SAMD4B: variants seen among roughly 807,000 people sequenced by gnomAD.
The protein encoded by SAMD4B is sterile alpha motif domain containing 4B.
A neutral mutation model predicts 74.5 loss-of-function variants in SAMD4B; 5 were observed. That is an observed-to-expected ratio of 0.07 (90% CI 0.04 to 0.14). The LOEUF is 0.14. SAMD4B is among the 10% of genes least tolerant of loss of function. The probability of loss-of-function intolerance (pLI) is 1.00; values close to 1 mark genes in which losing one functional copy is unlikely to be tolerated. For synonymous variants in SAMD4B, 373 were observed against 374.9 expected, an observed-to-expected ratio of 1.00 and a Z score of 0.06; for missense variants, 608 against 921.8, an observed-to-expected ratio of 0.66 and a Z score of 4.41.
intron 3 of SAMD4B, among the ~76,000 whole-genome samples, chr19:39,361,816 CAGG>C (rs2076672910): frequency 6.9e-6 from 1 of 145,940 alleles, no homozygotes; most frequent in South Asian, 2.2e-4. Context: ...CCCAGCTACT[CAGG>C]AGGCTGAGGC....
chr19:39,361,645 C>T (rs2076657419), intron 3 of SAMD4B, among the ~76,000 whole-genome samples: 2 of 150,564 alleles, frequency 1.3e-5, no homozygotes, highest in Admixed American at 6.6e-5. Context: ...TCTTCCCGGC[C>T]GGGCGCGGTG....
chr19:39,389,501 T>A, downstream of SAMD4B: 1 of 1,614,178 alleles, frequency 6.2e-7, no homozygotes, highest in Non-Finnish European at 8.5e-7. This position sits in a 1 kb window ranked among gnomAD's most constrained non-coding sequence, Gnocchi z 5.3. Context: ...GGTGGGGGCC[T>A]GAATCTCCTC....
At position 39,376,759 on chromosome 19, in the gene SAMD4B, G is replaced by A. The variant is rs1167147929; in HGVS notation, c.1072G>A (p.Glu358Lys). ...KIALSIQKLR[E>K]RQSVLKSLEK... Reference sequence around the variant, plus strand: ...AGCCCTGAGCATCCAGAAGCTGCGTGAGAGACAGAGCGTCCTCAAGTCCCT... The same window carrying A: ...AGCCCTGAGCATCCAGAAGCTGCGTAAGAGACAGAGCGTCCTCAAGTCCCT... The change falls in exon 7 of 14, where the codon GAG becomes AAG. Residue 358 changes from glutamate (E) to lysine (K), a missense_variant. Around this residue, in one of 9 missense-constraint regions of SAMD4B, gnomAD observed 39 missense variants for 125.3 expected, o/e 0.31. Coordinates refer to ENST00000610417, the MANE Select transcript of SAMD4B (RefSeq NM_001384574.2). 1.2e-6 allele frequency: 2 copies of A among 1,614,204 alleles called. No homozygotes were observed. Among genetic ancestry groups the A allele is most frequent in the Admixed American group, 1.7e-5 (1 of 60,030 alleles).
chr19:39,349,230 T>A (rs777190102), intron 1 of SAMD4B, among the ~76,000 whole-genome samples: 3 of 152,158 alleles, frequency 2.0e-5, no homozygotes, highest in Admixed American at 6.5e-5. Context: ...CTCAAAAAAA[T>A]GTCTCAGTTG....
chr19:39,373,612 C>T (rs1195789931), intron 4 of SAMD4B, among the ~76,000 whole-genome samples: 2 of 152,094 alleles, frequency 1.3e-5, no homozygotes, highest in East Asian at 3.9e-4. Flanking sequence ...GAGGAAAAAG[C>T]ACAGATAAAG....
Position 39,369,974 on chromosome 19 carries a change from A to C in SAMD4B, c.516A>C (p.Ser172=). 6.2e-7 allele frequency: 1 copy of C among 1,613,660 alleles called. No homozygotes were observed. The highest frequency in any genetic ancestry group is 8.5e-7 in the Non-Finnish European group (1 of 1,179,808). ...CCTCCTACCATTCACGTCAAGGCTC[A>C]GATGAGTGGGGGGGCCCTGCAGAGC... ...PEPSYHSRQG[S]DEWGGPAELG... The change falls in exon 4 of 14, where the codon TCA becomes TCC. Residue 172 remains serine, a synonymous_variant. Coordinates refer to ENST00000610417, the MANE Select transcript of SAMD4B (RefSeq NM_001384574.2).
chr19:39,367,743 A>G (rs2077051510), intron 3 of SAMD4B, among the ~76,000 whole-genome samples: 1 of 151,056 alleles, frequency 6.6e-6, no homozygotes, highest in Admixed American at 6.6e-5. Context: ...TCCTGACCTC[A>G]GGTGATCCAC....
chr19:39,377,379 G>A, intron 7 of SAMD4B, 106 bp from the exon 8 acceptor site: 2 of 924,130 alleles, frequency 2.2e-6, no homozygotes, highest in Non-Finnish European at 3.3e-6. Context: ...TGGAACCCAG[G>A]GTCCTACCCA....
chr19:39,385,297 C>G lies in SAMD4B; in HGVS notation c.*1770C>G, dbSNP rs2078217888. Reference sequence around the variant, plus strand: ...CGTTTGGAATCAGCAGGGTGTCCCTCTCATGGGACCCTCCCCTCTCCCCAG... The same window carrying G: ...CGTTTGGAATCAGCAGGGTGTCCCTGTCATGGGACCCTCCCCTCTCCCCAG... On this transcript the variant is annotated 3_prime_UTR_variant, in exon 14 of 14. Transcript: ENST00000610417. 2.7e-6 allele frequency: 1 copy of G among 373,040 alleles called. No homozygotes were observed. The allele number at this position is 373,040 out of a possible 1,614,324, so 23.1% of individuals were successfully genotyped here.
At chr19:39,387,600 CA>C (rs1032099179), downstream of SAMD4B, among the ~76,000 whole-genome samples, 5 of 152,192 alleles carry the variant, frequency 3.3e-5, no homozygotes, top group African/African-American at 1.2e-4. Flanking sequence ...CTGCTTTAAA[CA>C]GAAACTCAAG....
At chr19:39,347,673 A>G (rs1489151724) in intron 1 of SAMD4B, among the ~76,000 whole-genome samples, 1 of 152,218 alleles carries the variant, frequency 6.6e-6, no homozygotes, top group Non-Finnish European at 1.5e-5. Context: ...GGTTTCCAAG[A>G]CACAGAACTT....
At chr19:39,348,388 A>G (rs2075822961) in intron 1 of SAMD4B, 1 of 152,242 alleles carries the variant, frequency 6.6e-6, no homozygotes, top group Admixed American at 6.5e-5. Flanking sequence ...AATGGGGCAC[A>G]GGTGAGCCCA....
chr19:39,375,406 G>A lies in SAMD4B; in HGVS notation c.668-244G>A, dbSNP rs1169819043. ...TGTGGCAGTAATTCCTGCCAGGGGT[G>A]CTGGTGGCTTGAGCCAGCGGAACTG... is the stretch of plus-strand genomic sequence containing the variant. On this transcript the variant is annotated intron_variant, in intron 4 of 13. Transcript: ENST00000610417. The surrounding 1 kb of genome is among the most constrained non-coding windows in gnomAD (Gnocchi z 4.1). 6.6e-6 allele frequency among the ~76,000 whole-genome samples: 1 copy of A among 152,202 alleles called. No individual in the cohort carries two copies. Among genetic ancestry groups the A allele is most frequent in the East Asian group, 1.9e-4 (1 of 5,202 alleles).
At chr19:39,386,146 C>A, downstream of SAMD4B, 1 of 1,614,200 alleles carries the variant, frequency 6.2e-7, no homozygotes, top group Non-Finnish European at 8.5e-7. The surrounding 1 kb of genome is among the most constrained non-coding windows in gnomAD (Gnocchi z 6.1). Context: ...CTGTCTGAAT[C>A]ATTGTCACTG....
In SAMD4B at chr19:39,375,585, G is replaced by A; in HGVS notation, c.668-65G>A. ...AACTGCCATCCTGGCACTGACGGCAGGGGGATGGTCTCCTGTGGTTGGGTC... is the reference window on the plus strand; with the variant it reads ...AACTGCCATCCTGGCACTGACGGCAAGGGGATGGTCTCCTGTGGTTGGGTC... On this transcript the variant is annotated intron_variant, in intron 4 of 13. Coordinates refer to ENST00000610417, the MANE Select transcript of SAMD4B (RefSeq NM_001384574.2). The surrounding 1 kb of genome is among the most constrained non-coding windows in gnomAD (Gnocchi z 4.1). The A allele has an allele frequency of 6.4e-7, 1 of 1,561,356 alleles. No individual in the cohort carries two copies. The highest frequency in any genetic ancestry group is 8.7e-7 in the Non-Finnish European group (1 of 1,146,440).
chr19:39,378,508 C>T lies in SAMD4B; in HGVS notation c.1449C>T (p.Cys483=). 6.2e-7 allele frequency: 1 copy of T among 1,613,882 alleles called. No individual in the cohort carries two copies. Among genetic ancestry groups the T allele is most frequent in the Non-Finnish European group, 8.5e-7 (1 of 1,179,872 alleles). ...CCCTTTCTCATGTCCCCCCAGTGTGCACCCAACTGCTGGTGTCCCGACCAG... is the reference window on the plus strand; with the variant it reads ...CCCTTTCTCATGTCCCCCCAGTGTGTACCCAACTGCTGGTGTCCCGACCAG... The part of the protein sequence containing the change: ...SQFTRVMGKV[C]TQLLVSRPDE... Residue 483 remains cysteine (C), a synonymous_variant, in exon 9 of 14, where the codon TGC becomes TGT. Coordinates refer to ENST00000610417, the MANE Select transcript of SAMD4B (RefSeq NM_001384574.2). The surrounding 1 kb of genome is among the most constrained non-coding windows in gnomAD (Gnocchi z 4.4).
chr19:39,385,696 A>C lies in SAMD4B; in HGVS notation c.*2169A>C, dbSNP rs1600602792. 1 of 529,040 alleles carries C rather than the reference A, an allele frequency of 1.9e-6. No individual in the cohort carries two copies. The highest frequency in any genetic ancestry group is 3.0e-5 in the East Asian group (1 of 33,594). The allele number at this position is 529,040 out of a possible 1,614,324, so 32.8% of individuals were successfully genotyped here. On this transcript the variant is annotated 3_prime_UTR_variant, in exon 14 of 14. Transcript: ENST00000610417. The stretch of plus-strand genomic sequence containing the variant: ...GAAAAAAAAAAAACAAACAAAAAAA[A>C]CGAATTCTGACCTTCGTTGTGCTAC...
chr19:39,362,335 T>A (rs1233671858), intron 3 of SAMD4B, among the ~76,000 whole-genome samples: 3 of 152,170 alleles, frequency 2.0e-5, no homozygotes, highest in African/African-American at 7.2e-5. Flanking sequence ...GGGAAGCTGG[T>A]GAGGATACTG....
downstream of SAMD4B, chr19:39,388,341 G>A: frequency 1.9e-6 from 3 of 1,614,000 alleles, no homozygotes; most frequent in Non-Finnish European, 2.5e-6. Flanking sequence ...CTGAGTACCT[G>A]GTTTCCAACT....
Sources: allele counts gnomAD v4.1 joint callset (sites outside exome capture counted in the v4.1 genomes callset), GRCh38; gene constraint gnomAD v4.1.1; regional missense constraint gnomAD v4.1.1; non-coding constraint Gnocchi (gnomAD v3.1); transcripts MANE v1.5; gene names NCBI Gene and HGNC (gene_info 2026-07-23, HGNC 2026-07-21).